PTPRD: variants seen among roughly 807,000 people sequenced by gnomAD.
The protein encoded by PTPRD is protein tyrosine phosphatase receptor type D, also known as receptor-type tyrosine-protein phosphatase delta.
A neutral mutation model predicts 214.5 loss-of-function variants in PTPRD; 34 were observed. That is an observed-to-expected ratio of 0.16 (90% CI 0.12 to 0.21). The LOEUF (loss-of-function observed/expected upper bound fraction) is 0.21. Ranked by LOEUF, PTPRD falls within the 10% of genes least tolerant of loss-of-function variation. PTPRD has a pLI of 1.00. For synonymous variants in PTPRD, 1,128 were observed against 845.7 expected (o/e 1.33, Z -5.79); for missense variants, 2,545 against 2,398.7 (o/e 1.06, Z -1.27).
intron 6 of PTPRD, among the ~76,000 whole-genome samples, chr9:9,745,247 A>G (rs1238179099): frequency 6.6e-6 from 1 of 152,080 alleles, no homozygotes; most frequent in African/African-American, 2.4e-5. Context: ...CTGTTGTTTC[A>G]ATGCAATGGG....
chr9:9,328,308 T>TA lies in PTPRD; in HGVS notation c.-203+69140dup, dbSNP rs767728922. Among the ~76,000 whole-genome samples the TA allele has an allele frequency of 5.4e-4, 82 of 152,280 alleles. 2 individuals carry two copies. The highest frequency in any genetic ancestry group is 2.2e-3 in the Admixed American group (33 of 15,288). On this transcript the variant is annotated intron_variant, in intron 9 of 45. Transcript: ENST00000381196. ...GGACCATACATACTACATTCATTCT[T>TA]ACATGTAGTATGTGGTATGTCACTT...
At chr9:9,956,322 G>C (rs2093928582) in intron 4 of PTPRD, among the ~76,000 whole-genome samples, 1 of 150,580 alleles carries the variant, frequency 6.6e-6, no homozygotes, top group Non-Finnish European at 1.5e-5. Flanking sequence ...TGAGTGTTAT[G>C]AGACAAAAGT....
intron 2 of PTPRD, among the ~76,000 whole-genome samples, chr9:10,512,028 A>G (rs2048409257): frequency 2.7e-5 from 2 of 74,450 alleles, no homozygotes; most frequent in Non-Finnish European, 4.8e-5. Flanking sequence ...GTATATATAT[A>G]TGTATATATA....
At chr9:8,565,278 A>G (rs1015270747) in intron 14 of PTPRD, among the ~76,000 whole-genome samples, 1 of 152,176 alleles carries the variant, frequency 6.6e-6, no homozygotes, top group Non-Finnish European at 1.5e-5. Flanking sequence ...TTTGAAATGT[A>G]ATCAACTGCT....
intron 2 of PTPRD, among the ~76,000 whole-genome samples, chr9:10,364,004 T>G (rs1267467935): frequency 8.5e-5 from 11 of 130,084 alleles, no homozygotes; most frequent in African/African-American, 3.1e-4. Flanking sequence ...TTTTTTTTTT[T>G]TTTTTTTTTT....
intron 9 of PTPRD, among the ~76,000 whole-genome samples, chr9:9,253,157 A>G (rs1594611035): frequency 1.3e-5 from 2 of 152,200 alleles, no homozygotes; most frequent in East Asian, 3.9e-4. Context: ...TCTATTTTTG[A>G]AGTACCTACT....
In PTPRD at chr9:9,865,423, A is replaced by T. The variant is rs112431160; in HGVS notation, c.-368+73084T>A. ...GACTGGTGACTTTATAAGGACAGAC[A>T]GAAGCCTTTGCTAACATATAAGCGT... On this transcript the variant is annotated intron_variant, in intron 5 of 45. Transcript: ENST00000381196. Among the ~76,000 whole-genome samples the T allele has an allele frequency of 1.6e-3, 237 of 152,320 alleles. 2 individuals carry two copies. Among genetic ancestry groups the T allele is most frequent in the African/African-American group, 5.2e-3 (215 of 41,580 alleles).
intron 7 of PTPRD, among the ~76,000 whole-genome samples, chr9:9,594,135 A>G (rs2093043280): frequency 6.6e-6 from 1 of 152,080 alleles, no homozygotes; most frequent in South Asian, 2.1e-4. Context: ...ATCACTTACT[A>G]ATCTAGAAGT....
chr9:8,460,343 A>C (rs2096362699), intron 33 of PTPRD, 68 bp downstream of exon 33: 1 of 1,575,300 alleles, frequency 6.3e-7, no homozygotes, highest in South Asian at 1.1e-5. Context: ...AGGACAGCAG[A>C]ACAATGATCA....
In PTPRD at chr9:9,877,836, G is replaced by A. The variant is rs146164196; in HGVS notation, c.-368+60671C>T. Among the ~76,000 whole-genome samples, 1,233 of 152,038 alleles carry A rather than the reference G, an allele frequency of 8.1e-3. 3 individuals are homozygous for A. The highest frequency in any genetic ancestry group is 0.013 in the Non-Finnish European group (880 of 67,970). On this transcript the variant is annotated intron_variant, in intron 5 of 45. Transcript: ENST00000381196. Reference sequence around the variant, plus strand: ...TGAAAATACAAAATTAGCCAGGCACGGTGGCCCATGCCTGTAATCCTGGCT... The same window carrying A: ...TGAAAATACAAAATTAGCCAGGCACAGTGGCCCATGCCTGTAATCCTGGCT...
chr9:9,352,687 G>A (rs2051891203), intron 9 of PTPRD, among the ~76,000 whole-genome samples: 1 of 151,778 alleles, frequency 6.6e-6, no homozygotes, highest in Non-Finnish European at 1.5e-5. Context: ...TAAGCATGAC[G>A]AATTAATGAT....
At chr9:8,518,517 G>T in intron 20 of PTPRD, 88 bp from the exon 21 acceptor site, 1 of 953,622 alleles carries the variant, frequency 1.0e-6, no homozygotes, top group Non-Finnish European at 1.5e-6. Context: ...AAAATGACAG[G>T]ATTATGTATC....
At chr9:10,581,786 T>C (rs1327136690) in intron 2 of PTPRD, among the ~76,000 whole-genome samples, 1 of 152,128 alleles carries the variant, frequency 6.6e-6, no homozygotes, top group Admixed American at 6.5e-5. Flanking sequence ...AAATAGAAAT[T>C]AAATGATGCT....
At chr9:10,032,328 G>A (rs1030886325) in intron 4 of PTPRD, among the ~76,000 whole-genome samples, 2 of 152,116 alleles carry the variant, frequency 1.3e-5, no homozygotes, top group African/African-American at 2.4e-5. Flanking sequence ...CCATGACTAA[G>A]GGATTCTACA....
At chr9:9,557,039 A>C (rs897460565) in intron 8 of PTPRD, among the ~76,000 whole-genome samples, 15 of 152,176 alleles carry the variant, frequency 9.9e-5, no homozygotes, top group African/African-American at 3.4e-4. Flanking sequence ...CTGATTCATT[A>C]TTTTGAGTGT....
chr9:8,921,722 G>A (rs1302801929), intron 11 of PTPRD, among the ~76,000 whole-genome samples: 1 of 151,996 alleles, frequency 6.6e-6, no homozygotes, highest in Non-Finnish European at 1.5e-5. Flanking sequence ...TCGAACTCCC[G>A]ACCTCAAGTG....
chr9:9,310,665 C>T (rs1958667411), intron 9 of PTPRD, among the ~76,000 whole-genome samples: 1 of 152,076 alleles, frequency 6.6e-6, no homozygotes, highest in South Asian at 2.1e-4. Context: ...CGCCTGTAAT[C>T]CCAGCACTTT....
chr9:9,574,247 A>T (rs1458788009), intron 8 of PTPRD, among the ~76,000 whole-genome samples: 1 of 151,978 alleles, frequency 6.6e-6, no homozygotes, highest in Non-Finnish European at 1.5e-5. Flanking sequence ...AAATTGCCTT[A>T]GAAGTCACTT....
chr9:9,396,483 C>T (rs529063620), intron 9 of PTPRD, among the ~76,000 whole-genome samples: 70 of 151,926 alleles, frequency 4.6e-4, no homozygotes, highest in African/African-American at 1.7e-3. Flanking sequence ...ATATTTTTTT[C>T]CAACATTTGC....
Sources: allele counts gnomAD v4.1 joint callset (sites outside exome capture counted in the v4.1 genomes callset), GRCh38; gene constraint gnomAD v4.1.1; transcripts MANE v1.5; gene names NCBI Gene and HGNC (gene_info 2026-07-23, HGNC 2026-07-21).